KIAA2012: variants seen among roughly 807,000 people sequenced by gnomAD.
KIAA2012 encodes KIAA2012.
Under a neutral mutation model 150.6 loss-of-function variants are expected in KIAA2012, and 125 were observed. The ratio of observed to expected loss-of-function variants is 0.83; its 90% CI spans 0.72 to 0.96. KIAA2012 has a LOEUF of 0.96. Ranked by LOEUF, KIAA2012 falls within the 40% of genes least tolerant of loss-of-function variation. KIAA2012 has a pLI of 0.00. For missense variants in KIAA2012, 1,219 were observed against 1,354.9 expected (o/e 0.90, Z 1.57); for synonymous variants, 462 against 504.7 (o/e 0.92, Z 1.13).
intron 15 of KIAA2012, among the ~76,000 whole-genome samples, chr2:202,172,336 C>T (rs1475345859): frequency 6.6e-6 from 1 of 152,246 alleles, no homozygotes; most frequent in Non-Finnish European, 1.5e-5. Flanking sequence ...TCTATGACTC[C>T]ATGCTCCTTG....
At chr2:202,137,191 A>C (rs1040647498) in intron 12 of KIAA2012, 1 of 152,256 alleles carries the variant, frequency 6.6e-6, no homozygotes, top group African/African-American at 2.4e-5. Context: ...ATGAGTATCA[A>C]GTATGGAAAG....
chr2:202,179,449 G>T lies in KIAA2012; in HGVS notation c.2120-5304G>T, dbSNP rs995649242. 8.4e-6 allele frequency: 6 copies of T among 716,906 alleles called. No individual in the cohort carries two copies. In the African/African-American group the frequency reaches 1.1e-4, roughly 13 times the overall value. 44.4% of individuals were successfully genotyped at this position (716,906 alleles called of 1,614,324 possible). ...TGGTATTAGCAACCGAGAAAAAACA[G>T]AAATTCATTCTGTATGATGAGCGAA... On this transcript the variant is annotated intron_variant, in intron 15 of 23. Transcript: ENST00000498697.
chr2:202,099,050 C>G (rs538965238), intron 5 of KIAA2012, among the ~76,000 whole-genome samples: 1 of 152,180 alleles, frequency 6.6e-6, no homozygotes, highest in South Asian at 2.1e-4. Flanking sequence ...TGCAGAGGTG[C>G]TACCACAGTT....
intron 15 of KIAA2012, among the ~76,000 whole-genome samples, chr2:202,176,244 G>A (rs1359281310): frequency 6.7e-6 from 1 of 150,230 alleles, no homozygotes; most frequent in Non-Finnish European, 1.5e-5. Flanking sequence ...CTATTGCCCA[G>A]AAAGTGCAAT....
In KIAA2012 at chr2:202,151,724, C is replaced by T. The variant is rs75279492; in HGVS notation, c.1909-2949C>T. ...GGATAAATGAAAAACCAACCAAGCA[C>T]GTGACTTTCATTTTTATTTTTGTAT... On this transcript the variant is annotated intron_variant, in intron 13 of 23. Coordinates refer to ENST00000498697, the MANE Select transcript of KIAA2012 (RefSeq NM_001277372.4). Among the ~76,000 whole-genome samples, 23 of 152,198 alleles carry T rather than the reference C, an allele frequency of 1.5e-4. No individual in the cohort carries two copies. In the East Asian group the frequency reaches 4.1e-3, roughly 27 times the overall value.
At chr2:202,153,477 G>T (rs1441707841) in intron 13 of KIAA2012, among the ~76,000 whole-genome samples, 4 of 152,232 alleles carry the variant, frequency 2.6e-5, no homozygotes, top group Non-Finnish European at 4.4e-5. Flanking sequence ...TATTCCCATA[G>T]CCAAGTAAAC....
intron 23 of KIAA2012, among the ~76,000 whole-genome samples, chr2:202,203,552 A>T (rs1399936962): frequency 2.0e-5 from 3 of 151,662 alleles, no homozygotes; most frequent in Non-Finnish European, 4.4e-5. Flanking sequence ...CAGCCACAAC[A>T]CCCCCATTTC....
At chr2:202,197,054 G>C in intron 22 of KIAA2012, 35 bp downstream of exon 22, 1 of 1,550,054 alleles carries the variant, frequency 6.5e-7, no homozygotes, top group Non-Finnish European at 8.7e-7. Flanking sequence ...GCCATAGGGG[G>C]ATGGTTCAAG....
intron 11 of KIAA2012, chr2:202,116,465 C>CTTTGTTTTTTT (rs1690528957): frequency 1.7e-5 from 1 of 57,986 alleles, no homozygotes; most frequent in Non-Finnish European, 2.8e-5. Flanking sequence ...CCATGCCCGG[C>CTTTGTTTTTTT]TTTTTTTTTT....
intron 12 of KIAA2012, chr2:202,125,854 G>A: frequency 2.2e-6 from 1 of 451,962 alleles, no homozygotes; most frequent in Non-Finnish European, 4.4e-6. Flanking sequence ...TTCAGACCAA[G>A]GGAAGGATGA....
chr2:202,108,895 T>G (rs527853137), intron 9 of KIAA2012, among the ~76,000 whole-genome samples: 1 of 152,198 alleles, frequency 6.6e-6, no homozygotes, highest in South Asian at 2.1e-4. Flanking sequence ...ACATGTGAAA[T>G]AAAGACCACT....
chr2:202,079,948 A>G (rs536207846), intron 2 of KIAA2012, among the ~76,000 whole-genome samples: 1 of 152,368 alleles, frequency 6.6e-6, no homozygotes, highest in African/African-American at 2.4e-5. Context: ...TTTTACCTGT[A>G]TAACCTCATT....
chr2:202,193,981 T>C (rs114183137), intron 20 of KIAA2012, among the ~76,000 whole-genome samples: 236 of 152,340 alleles, frequency 1.5e-3, no homozygotes, highest in African/African-American at 5.5e-3. Flanking sequence ...AGCTGTGTAC[T>C]GAAACTTCTA....
Position 202,174,895 on chromosome 2 carries a change from G to A in KIAA2012, c.2119+9539G>A, listed in dbSNP as rs140232994. On this transcript the variant is annotated intron_variant, in intron 15 of 23. Coordinates refer to ENST00000498697, the MANE Select transcript of KIAA2012 (RefSeq NM_001277372.4). ...ATGTGCCATGCTGGTGCGCTGCACC[G>A]AGAAATGACTTTTAACATAATCATG... Among the ~76,000 whole-genome samples, 849 of 152,162 alleles carry A rather than the reference G, an allele frequency of 5.6e-3. 6 individuals are homozygous for A. The highest frequency in any genetic ancestry group is 0.019 in the African/African-American group (787 of 41,522).
At chr2:202,181,862 C>T (rs1215369046) in intron 15 of KIAA2012, among the ~76,000 whole-genome samples, 1 of 151,982 alleles carries the variant, frequency 6.6e-6, no homozygotes, top group Non-Finnish European at 1.5e-5. Flanking sequence ...TTTAAAGCAG[C>T]TTTATCAAGG....
rs148008367 is a variant in KIAA2012, at chr2:202,112,366, C to G, written c.1652-970C>G. ...GGAAGCTCGGCACATGCTTGCCCAT[C>G]TCTTCATATGGCTGTTCACGATATC... On this transcript the variant is annotated intron_variant, in intron 10 of 23. Coordinates refer to ENST00000498697, the MANE Select transcript of KIAA2012 (RefSeq NM_001277372.4). Among the ~76,000 whole-genome samples the G allele has an allele frequency of 8.3e-4, 127 of 152,336 alleles. 1 individual carries two copies. Among genetic ancestry groups the G allele is most frequent in the Non-Finnish European group, 1.6e-3 (108 of 68,034 alleles).
chr2:202,194,258 G>T lies in KIAA2012; in HGVS notation c.3083G>T (p.Arg1028Leu), dbSNP rs990960272. 2 of 1,550,570 alleles carry T rather than the reference G, an allele frequency of 1.3e-6. No homozygotes were observed. The highest frequency in any genetic ancestry group is 2.0e-5 in the Admixed American group (1 of 50,992). ...GAGGAGGAGAGAAAGCAGCAGCTCCGGTTGAAAGCAGCCCAGGAGAGAGCC... is the reference window on the plus strand; with the variant it reads ...GAGGAGGAGAGAAAGCAGCAGCTCCTGTTGAAAGCAGCCCAGGAGAGAGCC... Reference protein sequence around the residue: ...QEEEERKQQLRLKAAQERARQ... With the variant: ...QEEEERKQQLLLKAAQERARQ... The change falls in exon 21 of 24, where the codon CGG (arginine) becomes CTG (leucine). Residue 1028 changes from arginine to leucine, a missense_variant. Physicochemically the swap from Arg to Leu is moderately radical, Grantham distance 102 (BLOSUM62 -2). Coordinates refer to ENST00000498697, the MANE Select transcript of KIAA2012 (RefSeq NM_001277372.4).
intron 9 of KIAA2012, among the ~76,000 whole-genome samples, chr2:202,108,253 G>T (rs2105926292): frequency 6.6e-6 from 1 of 152,272 alleles, no homozygotes; most frequent in African/African-American, 2.4e-5. Flanking sequence ...CCATCTGAGA[G>T]TAAGTTGCAG....
At chr2:202,140,376 A>T (rs1159034409) in intron 13 of KIAA2012, among the ~76,000 whole-genome samples, 2 of 152,306 alleles carry the variant, frequency 1.3e-5, no homozygotes, top group East Asian at 3.9e-4. Flanking sequence ...CAGCTCCCTG[A>T]GAAGCCCATG....
Sources: allele counts gnomAD v4.1 joint callset (sites outside exome capture counted in the v4.1 genomes callset), GRCh38; gene constraint gnomAD v4.1.1; transcripts MANE v1.5; gene names NCBI Gene and HGNC (gene_info 2026-07-23, HGNC 2026-07-21).